Variants in DAB2 observed in about 807,000 individuals in gnomAD.
The protein encoded by DAB2 is disabled homolog 2.
DAB2 carries 28 observed loss-of-function variants against 71.6 expected under a neutral mutation model. That is an observed-to-expected ratio of 0.39 (90% confidence interval 0.29 to 0.54). DAB2 has a LOEUF of 0.54. Among genes scored for constraint, DAB2 ranks in the 20% least tolerant of loss-of-function variants. The pLI is 0.68. For synonymous variants in DAB2, 345 were observed against 339.7 expected, an observed-to-expected ratio of 1.02 and a Z score of -0.17; for missense variants, 867 against 928.8, an observed-to-expected ratio of 0.93 and a Z score of 0.86.
At chr5:39,403,957 C>T (rs1460382266) in intron 1 of DAB2, among the ~76,000 whole-genome samples, 1 of 152,036 alleles carries the variant, frequency 6.6e-6, no homozygotes, top group Non-Finnish European at 1.5e-5. Context: ...AGGACATTAA[C>T]TCATCATTTT....
rs1754792856 is a variant in DAB2, at chr5:39,375,099, T to C, written c.2248-15A>G. 1.3e-6 allele frequency: 2 copies of C among 1,572,574 alleles called. No individual in the cohort carries two copies. The highest frequency in any genetic ancestry group is 8.7e-7 in the Non-Finnish European group (1 of 1,147,418). On this transcript the variant is annotated splice_polypyrimidine_tract_variant and intron_variant, in intron 13 of 14. Coordinates refer to ENST00000320816, the MANE Select transcript of DAB2 (RefSeq NM_001343.4). ...GAAGAAGCCACCTAAGAAGATAAAA[T>C]CATCTAGTCAATAAATACAGTTACA...
At position 39,383,207 on chromosome 5, in the gene DAB2, C is replaced by G; in HGVS notation, c.752G>C (p.Arg251Thr). The change falls in exon 10 of 15, where the codon AGA becomes ACA. Residue 251 changes from arginine to threonine, a missense_variant. By Grantham distance (71) the Arg-to-Thr change is moderately conservative. Coordinates refer to ENST00000320816, the MANE Select transcript of DAB2 (RefSeq NM_001343.4). ...SEIDTNQNSLRENPFLTNGIT... is the reference protein window; with the variant it reads ...SEIDTNQNSLTENPFLTNGIT... ...GCCGTTTGTTAAGAATGGATTTTCT[C>G]TTAAAGAATTCTGATTGGTGTCGAT... 1 of 1,613,850 alleles carries G rather than the reference C, an allele frequency of 6.2e-7. No homozygotes were observed. The highest frequency in any genetic ancestry group is 8.5e-7 in the Non-Finnish European group (1 of 1,179,908).
chr5:39,390,646 C>G, intron 4 of DAB2, 71 bp from the exon 5 acceptor site: 1 of 1,197,778 alleles, frequency 8.3e-7, no homozygotes, highest in South Asian at 1.4e-5. Context: ...ACACCGAAGC[C>G]TCAGACACAT....
intron 1 of DAB2, among the ~76,000 whole-genome samples, chr5:39,401,877 C>G (rs905522326): frequency 1.6e-4 from 24 of 151,948 alleles, no homozygotes; most frequent in Non-Finnish European, 1.5e-5. Context: ...CTCAGCCTCC[C>G]AAGTAGCTGG....
chr5:39,405,319 G>T (rs1481982211), intron 1 of DAB2, among the ~76,000 whole-genome samples: 2 of 152,146 alleles, frequency 1.3e-5, no homozygotes, highest in Non-Finnish European at 2.9e-5. Context: ...TGTGGGAGAA[G>T]AAACATATTC....
At chr5:39,376,163 G>A in intron 12 of DAB2, 57 bp from the exon 13 acceptor site, 1 of 1,314,988 alleles carries the variant, frequency 7.6e-7, no homozygotes, top group Non-Finnish European at 1.1e-6. Context: ...ATATAGGCCA[G>A]TCCCCGAGTC....
intron 1 of DAB2, among the ~76,000 whole-genome samples, chr5:39,423,190 T>C (rs1756028310): frequency 6.6e-6 from 1 of 152,142 alleles, no homozygotes; most frequent in African/African-American, 2.4e-5. Flanking sequence ...GGGGAAGTTA[T>C]TCACCAACAA....
chr5:39,410,061 C>G (rs1035454412), intron 1 of DAB2, among the ~76,000 whole-genome samples: 1 of 152,178 alleles, frequency 6.6e-6, no homozygotes, highest in Admixed American at 6.5e-5. Flanking sequence ...AATATGTACA[C>G]TCCACTGGAT....
chr5:39,377,787 T>C (rs562839417), intron 11 of DAB2, among the ~76,000 whole-genome samples: 1 of 152,300 alleles, frequency 6.6e-6, no homozygotes, highest in South Asian at 2.1e-4. Context: ...TGGAGTCTTA[T>C]GGAAACCAGC....
chr5:39,416,439 C>G (rs911561437), intron 1 of DAB2, among the ~76,000 whole-genome samples: 4 of 152,054 alleles, frequency 2.6e-5, no homozygotes, highest in Non-Finnish European at 4.4e-5. Context: ...AATCAGGTAT[C>G]GGTGTTCAAT....
chr5:39,389,806 C>G (rs1245661112), intron 6 of DAB2, 46 bp downstream of exon 6: 7 of 1,157,592 alleles, frequency 6.0e-6, no homozygotes, highest in Non-Finnish European at 7.6e-6. Flanking sequence ...GCCACCATGC[C>G]CAGCCAGTTT....
At chr5:39,377,396 C>T (rs1314141232) in intron 11 of DAB2, 114 bp from the exon 12 acceptor site, 20 of 1,067,232 alleles carry the variant, frequency 1.9e-5, no homozygotes, top group Non-Finnish European at 2.7e-5. Context: ...CTCCATTGAG[C>T]CCTGAGGCTG....
rs541683293 is a variant in DAB2, at chr5:39,393,121, G to T, written c.231+133C>A. Reference sequence around the variant, plus strand: ...CACTCACGGTTTCTCAGAAAATGGGGCACTACTGATGGATAATGTGATTAA... The same window carrying T: ...CACTCACGGTTTCTCAGAAAATGGGTCACTACTGATGGATAATGTGATTAA... On this transcript the variant is annotated intron_variant, in intron 3 of 14. Transcript: ENST00000320816. 166 of 844,468 alleles carry T rather than the reference G, an allele frequency of 2.0e-4. 1 individual carries two copies. In the Middle Eastern group the frequency reaches 4.1e-3, roughly 21 times the overall value. 52.3% of individuals were successfully genotyped at this position (844,468 alleles called of 1,614,324 possible).
chr5:39,382,806 C>T lies in DAB2; in HGVS notation c.1153G>A (p.Glu385Lys). 1.2e-6 allele frequency: 2 copies of T among 1,614,148 alleles called. No homozygotes were observed. Among genetic ancestry groups the T allele is most frequent in the Non-Finnish European group, 1.7e-6 (2 of 1,180,026 alleles). ...VRTQNGVSER[E>K]QNGFSVKSSP... ...GATTTGACAGAGAAGCCGTTCTGTTCTCTTTCAGATACCCCATTTTGAGTT... is the reference window on the plus strand; with the variant it reads ...GATTTGACAGAGAAGCCGTTCTGTTTTCTTTCAGATACCCCATTTTGAGTT... The change falls in exon 10 of 15, where the codon GAA becomes AAA. Residue 385 changes from glutamate (E) to lysine (K), a missense_variant. Glu to Lys is a moderately conservative substitution (Grantham distance 56). Transcript: ENST00000320816.
At chr5:39,377,484 T>C (rs1285373561) in intron 11 of DAB2, among the ~76,000 whole-genome samples, 1 of 152,156 alleles carries the variant, frequency 6.6e-6, no homozygotes, top group Non-Finnish European at 1.5e-5. Flanking sequence ...CAAATGCTGG[T>C]TGCATTTTGA....
chr5:39,380,956 C>T (rs907613972), intron 11 of DAB2, among the ~76,000 whole-genome samples: 4 of 152,172 alleles, frequency 2.6e-5, no homozygotes, highest in African/African-American at 9.7e-5. Flanking sequence ...CAGCTGGGCC[C>T]AGAACCTAGG....
intron 6 of DAB2, 89 bp from the exon 7 acceptor site, chr5:39,389,212 C>A: frequency 1.0e-6 from 1 of 982,014 alleles, no homozygotes; most frequent in Non-Finnish European, 1.6e-6. Flanking sequence ...GGTTCACAGG[C>A]ATAAGGCAAG....
intron 11 of DAB2, among the ~76,000 whole-genome samples, chr5:39,379,661 G>A (rs1261215195): frequency 6.6e-6 from 1 of 151,988 alleles, no homozygotes; most frequent in Non-Finnish European, 1.5e-5. Flanking sequence ...ACCTTCTGAG[G>A]CTAGATTAAA....
At chr5:39,377,405 T>TA in intron 11 of DAB2, 123 bp from the exon 12 acceptor site, 1 of 966,066 alleles carries the variant, frequency 1.0e-6, no homozygotes, top group Non-Finnish European at 1.6e-6. Context: ...GCCCTGAGGC[T>TA]GATATGGGAA....
Sources: allele counts gnomAD v4.1 joint callset (sites outside exome capture counted in the v4.1 genomes callset), GRCh38; gene constraint gnomAD v4.1.1; transcripts MANE v1.5; gene names NCBI Gene and HGNC (gene_info 2026-07-23, HGNC 2026-07-21).